The following CCDC60 variants were observed in gnomAD, a reference collection of about 807,000 sequenced individuals.
CCDC60 encodes coiled-coil domain containing 60.
A neutral mutation model predicts 63.5 loss-of-function variants in CCDC60; 54 were observed. That is an observed-to-expected ratio of 0.85 (90% CI 0.68 to 1.07). The LOEUF is 1.07. Among genes scored for constraint, CCDC60 ranks in the 50% least tolerant of loss-of-function variants. CCDC60 has a pLI of 0.00. For synonymous variants in CCDC60, 206 were observed against 238.8 expected, an observed-to-expected ratio of 0.86 and a Z score of 1.27; for missense variants, 651 against 684.3, an observed-to-expected ratio of 0.95 and a Z score of 0.54.
At chr12:119,491,640 C>A (rs954433413) in intron 5 of CCDC60, among the ~76,000 whole-genome samples, 2 of 152,064 alleles carry the variant, frequency 1.3e-5, no homozygotes, top group Non-Finnish European at 2.9e-5. Flanking sequence ...TTACACATAT[C>A]TTTTATGCCC....
rs571832442 is a variant in CCDC60 at position 119,426,897 on chromosome 12, T to A, written c.91-1786T>A. 2.6e-5 allele frequency among the ~76,000 whole-genome samples: 4 copies of A among 152,284 alleles called. No homozygotes were observed. The South Asian group carries it at 6.2e-4, about 24-fold the overall frequency. ...TTTGAAACAACAATGCTTTTCAACT[T>A]TCACTTTACACTTCAAAGCCTCAGA... On this transcript the variant is annotated intron_variant, in intron 1 of 13. Coordinates refer to ENST00000327554, the MANE Select transcript of CCDC60 (RefSeq NM_178499.5).
At chr12:119,423,075 T>C (rs1246106332) in intron 1 of CCDC60, among the ~76,000 whole-genome samples, 1 of 152,108 alleles carries the variant, frequency 6.6e-6, no homozygotes, top group Non-Finnish European at 1.5e-5. Flanking sequence ...GTATGGGAAG[T>C]AGAGCAGGTA....
At chr12:119,474,648 T>G (rs986569579) in intron 3 of CCDC60, among the ~76,000 whole-genome samples, 1 of 152,214 alleles carries the variant, frequency 6.6e-6, no homozygotes, top group Non-Finnish European at 1.5e-5. Flanking sequence ...TGCAATGTAC[T>G]AAATACCACT....
intron 3 of CCDC60, among the ~76,000 whole-genome samples, chr12:119,472,876 C>T (rs930480783): frequency 4.6e-5 from 7 of 152,000 alleles, no homozygotes; most frequent in South Asian, 2.1e-4. Flanking sequence ...CCACCACGCC[C>T]GGCCTCCTTT....
intron 9 of CCDC60, 31 bp downstream of exon 9, chr12:119,520,223 C>T (rs762587188): frequency 3.3e-5 from 53 of 1,595,190 alleles, no homozygotes; most frequent in Non-Finnish European, 8.6e-7. Flanking sequence ...CAGCAGGTGC[C>T]TCCGAAGGCA....
intron 9 of CCDC60, among the ~76,000 whole-genome samples, chr12:119,521,649 G>C (rs1453303601): frequency 6.6e-6 from 1 of 152,132 alleles, no homozygotes; most frequent in Non-Finnish European, 1.5e-5. Context: ...GGGCCAGGTG[G>C]GGGGCACAGA....
chr12:119,536,917 T>C (rs531086865), intron 13 of CCDC60, among the ~76,000 whole-genome samples: 3 of 152,300 alleles, frequency 2.0e-5, no homozygotes, highest in Non-Finnish European at 2.9e-5. Context: ...AGGAGTATCT[T>C]TGTGGTGTTC....
intron 4 of CCDC60, among the ~76,000 whole-genome samples, chr12:119,483,396 T>C (rs1951369648): frequency 6.6e-6 from 1 of 152,188 alleles, no homozygotes; most frequent in Admixed American, 6.5e-5. Context: ...TAGGGATCAA[T>C]TCAATCATGT....
intron 2 of CCDC60, among the ~76,000 whole-genome samples, chr12:119,439,227 T>C (rs1950390976): frequency 6.6e-6 from 1 of 151,024 alleles, no homozygotes; most frequent in African/African-American, 2.4e-5. Flanking sequence ...ACATGGGTCC[T>C]TAGGTGAATT....
intron 2 of CCDC60, among the ~76,000 whole-genome samples, chr12:119,449,766 C>T (rs947629601): frequency 3.9e-5 from 6 of 152,008 alleles, no homozygotes; most frequent in African/African-American, 1.4e-4. Flanking sequence ...TCAGCAGGTT[C>T]ATGGGAGAGA....
At chr12:119,381,844 T>C (rs1956010464) in intron 1 of CCDC60, among the ~76,000 whole-genome samples, 3 of 152,320 alleles carry the variant, frequency 2.0e-5, no homozygotes, top group Middle Eastern at 3.4e-3. Flanking sequence ...GACCCTAAGA[T>C]CTACAATGGA....
chr12:119,399,106 A>G (rs1011784675), intron 1 of CCDC60, among the ~76,000 whole-genome samples: 1 of 152,204 alleles, frequency 6.6e-6, no homozygotes, highest in Non-Finnish European at 1.5e-5. Flanking sequence ...GAAAAAAAAT[A>G]TAGGATGAAG....
intron 13 of CCDC60, among the ~76,000 whole-genome samples, chr12:119,534,932 A>C (rs1952961051): frequency 6.6e-6 from 1 of 152,228 alleles, no homozygotes; most frequent in African/African-American, 2.4e-5. Flanking sequence ...TTGGCCTCAT[A>C]AAATGAGTTG....
At chr12:119,405,157 C>A (rs1030958844) in intron 1 of CCDC60, among the ~76,000 whole-genome samples, 1 of 152,172 alleles carries the variant, frequency 6.6e-6, no homozygotes, top group Non-Finnish European at 1.5e-5. Flanking sequence ...TCCGTGCACA[C>A]CCCCAGGAAC....
chr12:119,526,010 A>G (rs1952667567), intron 11 of CCDC60, among the ~76,000 whole-genome samples: 1 of 152,256 alleles, frequency 6.6e-6, no homozygotes, highest in African/African-American at 2.4e-5. Flanking sequence ...CCTGACCTCA[A>G]ACTATACTAC....
intron 2 of CCDC60, chr12:119,428,974 C>T (rs1956949417): frequency 2.7e-6 from 1 of 364,358 alleles, no homozygotes; most frequent in Non-Finnish European, 4.6e-6. Context: ...ATGCCAGCCT[C>T]CAGCCGCCTA....
At position 119,433,851 on chromosome 12, in the gene CCDC60, G is replaced by A. The variant is rs1018887591; in HGVS notation, c.170+5089G>A. Reference sequence around the variant, plus strand: ...AACTGCTTTCCTCCTCGCCTGTTCCGTCAGATGTTCAGTGGCACTAAGCAG... The same window carrying A: ...AACTGCTTTCCTCCTCGCCTGTTCCATCAGATGTTCAGTGGCACTAAGCAG... On this transcript the variant is annotated intron_variant, in intron 2 of 13. Transcript: ENST00000327554. 4.6e-5 allele frequency among the ~76,000 whole-genome samples: 7 copies of A among 152,090 alleles called. No individual in the cohort carries two copies. In the East Asian group the frequency reaches 5.8e-4, roughly 13 times the overall value.
chr12:119,347,957 T>C (rs1200394065), intron 1 of CCDC60, among the ~76,000 whole-genome samples: 1 of 152,216 alleles, frequency 6.6e-6, no homozygotes, highest in Non-Finnish European at 1.5e-5. Context: ...TTTCCAGAGA[T>C]GACGATTCTT....
At chr12:119,466,339 T>C (rs145683279) in intron 2 of CCDC60, among the ~76,000 whole-genome samples, 351 of 152,350 alleles carry the variant, frequency 2.3e-3, no homozygotes, top group African/African-American at 8.0e-3. Flanking sequence ...AGCTATTTTG[T>C]TTACTGCTGC....
Sources: allele counts gnomAD v4.1 joint callset (sites outside exome capture counted in the v4.1 genomes callset), GRCh38; gene constraint gnomAD v4.1.1; transcripts MANE v1.5; gene names NCBI Gene and HGNC (gene_info 2026-07-23, HGNC 2026-07-21).